Variants in YARS1 observed in about 807,000 individuals in gnomAD.
YARS1 encodes tyrosyl-tRNA synthetase 1.
Under a neutral mutation model 62.2 loss-of-function variants are expected in YARS1, and 36 were observed. The observed-to-expected ratio is 0.58, with a 90% confidence interval of 0.44 to 0.76. YARS1 has a LOEUF of 0.76. YARS1 is among the 30% of genes least tolerant of loss of function. The pLI, the probability that YARS1 is intolerant of heterozygous loss-of-function variation, is 0.00. For synonymous variants in YARS1, 234 were observed against 244.9 expected (o/e 0.96, Z 0.42); for missense variants, 524 against 639.8 (o/e 0.82, Z 1.95).
At chr1:32,779,343 G>A (rs368085217) in intron 12 of YARS1, 39 bp downstream of exon 12, 134 of 1,613,964 alleles carry the variant, frequency 8.3e-5, no homozygotes, top group Non-Finnish European at 1.1e-4. Context: ...CACAGTCCAG[G>A]CAGCCCAGCC....
rs573843383 is a variant in YARS1 at position 32,808,205 on chromosome 1, C to T, written c.381-1594G>A. Among the ~76,000 whole-genome samples the T allele has an allele frequency of 5.3e-5, 8 of 151,046 alleles. No homozygotes were observed. In the East Asian group the frequency reaches 1.4e-3, roughly 26 times the overall value. On this transcript the variant is annotated intron_variant, in intron 3 of 12. Coordinates refer to ENST00000373477, the MANE Select transcript of YARS1 (RefSeq NM_003680.4). The stretch of plus-strand genomic sequence containing the variant: ...AGGCATGAGCCACTGCATCCAGCAA[C>T]CCCCACTCCCCCACCATTTTTTTTT...
intron 3 of YARS1, among the ~76,000 whole-genome samples, chr1:32,809,002 G>C (rs1348046462): frequency 6.6e-6 from 1 of 152,178 alleles, no homozygotes; most frequent in African/African-American, 2.4e-5. Context: ...TAGATTAAGT[G>C]TAAAAATGAA....
intron 12 of YARS1, among the ~76,000 whole-genome samples, chr1:32,777,870 C>A (rs892568628): frequency 2.6e-5 from 4 of 152,094 alleles, no homozygotes; most frequent in Non-Finnish European, 5.9e-5. Context: ...TAGCAAAAGA[C>A]CAGAAGGAAA....
Position 32,781,163 on chromosome 1 carries a change from C to A in YARS1, c.1043-18G>T. 2 of 1,603,972 alleles carry A rather than the reference C, an allele frequency of 1.2e-6. No individual in the cohort carries two copies. The highest frequency in any genetic ancestry group is 4.5e-5 in the East Asian group (2 of 44,836). ...CATTGGCTCTGGGAATGAGAAGAAC[C>A]CCATGAGGTAGAATTCTTCCCTGTG... is the stretch of plus-strand genomic sequence containing the variant. On this transcript the variant is annotated intron_variant, in intron 9 of 12. Transcript: ENST00000373477.
At chr1:32,782,375 G>C in intron 9 of YARS1, 29 bp downstream of exon 9, 2 of 1,613,950 alleles carry the variant, frequency 1.2e-6, no homozygotes, top group South Asian at 2.2e-5. Flanking sequence ...CTCTCCTGAT[G>C]ATGTCGGCCC....
At chr1:32,785,415 C>T (rs146215612) in intron 8 of YARS1, among the ~76,000 whole-genome samples, 2,196 of 149,488 alleles carry the variant, frequency 0.015, 53 homozygotes, top group African/African-American at 0.05. Context: ...GAGCCGAGAT[C>T]GTGCCACTGC....
chr1:32,775,953 G>A lies in YARS1; in HGVS notation c.*28C>T. On this transcript the variant is annotated 3_prime_UTR_variant, in exon 13 of 13. Coordinates refer to ENST00000373477, the MANE Select transcript of YARS1 (RefSeq NM_003680.4). ...AAGAGACAGCAGATGACTCAGTGGT[G>A]GAAGAAGGGGGGAAGATGCTGGGCT... 1.3e-6 allele frequency: 2 copies of A among 1,572,284 alleles called. No individual in the cohort carries two copies. The highest frequency in any genetic ancestry group is 1.8e-6 in the Non-Finnish European group (2 of 1,142,226).
At position 32,810,851 on chromosome 1, in the gene YARS1, T is replaced by A. The variant is rs1217108479; in HGVS notation, c.204+60A>T. ...TCCTCCAGCCCCACCCTGTCCTTGT[T>A]AAGTCTCTCTTGGGTCTCCCTTGGG... is the stretch of plus-strand genomic sequence containing the variant. On this transcript the variant is annotated intron_variant, in intron 2 of 12. Coordinates refer to ENST00000373477, the MANE Select transcript of YARS1 (RefSeq NM_003680.4). 3 of 1,613,930 alleles carry A rather than the reference T, an allele frequency of 1.9e-6. No individual in the cohort carries two copies. In the African/African-American group the frequency reaches 4.0e-5, roughly 22 times the overall value.
rs1557466603 is a variant in YARS1, at chr1:32,810,574, G to A, written c.380+17C>T. ...AAGCACCAGAGCCACAAGGAGGGTG[G>A]ATGATCAAGCACTTACTTGCTGAGC... On this transcript the variant is annotated intron_variant, in intron 3 of 12. Transcript: ENST00000373477. 6.2e-7 allele frequency: 1 copy of A among 1,612,366 alleles called. No homozygotes were observed. The highest frequency in any genetic ancestry group is 1.3e-5 in the African/African-American group (1 of 74,986).
At chr1:32,814,870 GGTT>G in intron 1 of YARS1, among the ~76,000 whole-genome samples, 1 of 152,108 alleles carries the variant, frequency 6.6e-6, no homozygotes, top group Non-Finnish European at 1.5e-5. Context: ...CTCAAGTTAC[GGTT>G]TTGGGAGGCT....
rs1238306069 is a variant in YARS1, at chr1:32,811,031, C to A, written c.84G>T (p.Lys28Asn). The change falls in exon 2 of 13, where the codon AAG (lysine) becomes AAT (asparagine). Residue 28 changes from lysine to asparagine, a missense_variant. Transcript: ENST00000373477. ...TAAGTTCCCGCTCCTTCAGTATCTCCTTCAGCTTCTCTTCCCCCAGAACCT... is the reference window on the plus strand; with the variant it reads ...TAAGTTCCCGCTCCTTCAGTATCTCATTCAGCTTCTCTTCCCCCAGAACCT... ...LQEVLGEEKLKEILKERELKI... is the reference protein window; with the variant it reads ...LQEVLGEEKLNEILKERELKI... The A allele has an allele frequency of 6.2e-7, 1 of 1,614,184 alleles. No homozygotes were observed. Among genetic ancestry groups the A allele is most frequent in the Non-Finnish European group, 8.5e-7 (1 of 1,180,030 alleles).
rs1170573409 is a variant in YARS1, at chr1:32,775,729, GGAA to G, written c.*249_*251del. The G allele has an allele frequency of 8.9e-6, 5 of 561,048 alleles. No homozygotes were observed. The East Asian group carries it at 1.2e-4, about 13-fold the overall frequency. 34.8% of individuals were successfully genotyped at this position (561,048 alleles called of 1,614,324 possible). A position where few individuals can be genotyped will look rare whatever the true frequency, so the allele number is the denominator to read the frequency against. ...AAACCAGATTTCTCCAGCTGCCAAG[GGAA>G]GAAGGTAGGGCTGGACTCCCTGCTG... On this transcript the variant is annotated 3_prime_UTR_variant, in exon 13 of 13. Transcript: ENST00000373477.
chr1:32,803,785 G>C (rs1022725393), intron 4 of YARS1, among the ~76,000 whole-genome samples: 8 of 151,976 alleles, frequency 5.3e-5, no homozygotes, highest in African/African-American at 1.9e-4. Context: ...GTGTTTCTCG[G>C]AGAGGGGGAT....
intron 1 of YARS1, among the ~76,000 whole-genome samples, chr1:32,812,345 T>C (rs546249633): frequency 1.3e-5 from 2 of 152,208 alleles, no homozygotes; most frequent in African/African-American, 2.4e-5. Context: ...CTGACCAGCA[T>C]GAACATTAAA....
At chr1:32,816,133 A>G (rs1235285544) in intron 1 of YARS1, among the ~76,000 whole-genome samples, 1 of 149,956 alleles carries the variant, frequency 6.7e-6, no homozygotes, top group Non-Finnish European at 1.5e-5. Context: ...AAAAAAAGAT[A>G]GTGTGATGGT....
intron 1 of YARS1, 93 bp from the exon 2 acceptor site, chr1:32,811,150 G>C: frequency 6.3e-7 from 1 of 1,582,828 alleles, no homozygotes. Context: ...ATGTGTCAGT[G>C]GAGATCCAGG....
intron 11 of YARS1, 29 bp from the exon 12 acceptor site, chr1:32,779,552 G>A (rs1652988061): frequency 1.2e-6 from 2 of 1,614,022 alleles, no homozygotes; most frequent in Admixed American, 1.7e-5. Context: ...AGAGAAGAGT[G>A]AGGCTATGGA....
At chr1:32,781,923 C>T (rs1280990884) in intron 9 of YARS1, 2 of 176,120 alleles carry the variant, frequency 1.1e-5, no homozygotes, top group Non-Finnish European at 2.4e-5. Flanking sequence ...AGGTGATCCT[C>T]TCACCTCAGC....
intron 12 of YARS1, among the ~76,000 whole-genome samples, chr1:32,778,967 T>C (rs1652967059): frequency 6.6e-6 from 1 of 151,756 alleles, no homozygotes; most frequent in Non-Finnish European, 1.5e-5. Flanking sequence ...CTTGAACTCC[T>C]GACCTCAGGT....
Sources: gnomAD v4.1 joint callset for allele counts (sites outside exome capture counted in the v4.1 genomes callset) on GRCh38, gnomAD v4.1.1 for gene constraint, MANE v1.5 for transcripts, NCBI Gene and HGNC (gene_info 2026-07-23, HGNC 2026-07-21) for gene names.